The following AFF3 variants were observed in gnomAD, a reference collection of about 807,000 sequenced individuals.
The protein encoded by AFF3 is ALF transcription elongation factor 3.
Under a neutral mutation model 129.7 loss-of-function variants are expected in AFF3, and 32 were observed. The ratio of observed to expected loss-of-function variants is 0.25; its 90% confidence interval spans 0.19 to 0.33. AFF3 has a LOEUF of 0.33. Ranked by LOEUF, AFF3 falls within the 10% of genes least tolerant of loss-of-function variation. The probability of loss-of-function intolerance (pLI) is 1.00; values close to 1 mark genes in which losing one functional copy is unlikely to be tolerated. For synonymous variants in AFF3, 644 were observed against 635.4 expected (o/e 1.01, Z -0.20); for missense variants, 1,373 against 1,592.0 (o/e 0.86, Z 2.34).
intron 7 of AFF3, among the ~76,000 whole-genome samples, chr2:99,936,222 C>T (rs531845800): frequency 1.3e-5 from 2 of 152,244 alleles, no homozygotes; most frequent in South Asian, 2.1e-4. Context: ...TTAGCAATCA[C>T]TAGCCACACA....
intron 13 of AFF3, among the ~76,000 whole-genome samples, chr2:99,644,493 T>C (rs1684517119): frequency 6.6e-6 from 1 of 152,212 alleles, no homozygotes; most frequent in Non-Finnish European, 1.5e-5. Context: ...CAGAAAATAT[T>C]AATTCCTGAT....
intron 11 of AFF3, among the ~76,000 whole-genome samples, chr2:99,686,076 G>C (rs1393294295): frequency 2.0e-5 from 3 of 152,092 alleles, no homozygotes; most frequent in Non-Finnish European, 4.4e-5. Flanking sequence ...TGTGGTCCCA[G>C]CTACTCAGGA....
At chr2:99,872,861 T>C (rs1691990388) in intron 7 of AFF3, among the ~76,000 whole-genome samples, 1 of 152,210 alleles carries the variant, frequency 6.6e-6, no homozygotes, top group East Asian at 1.9e-4. Context: ...GTTAAAGTAG[T>C]TGTCAAACTC....
chr2:99,865,369 G>C (rs1015488235), intron 7 of AFF3, among the ~76,000 whole-genome samples: 1 of 152,214 alleles, frequency 6.6e-6, no homozygotes, highest in African/African-American at 2.4e-5. Flanking sequence ...TAGAGACAGA[G>C]AGTGGTGAAA....
chr2:100,048,920 T>C (rs555089199), intron 4 of AFF3, among the ~76,000 whole-genome samples: 2 of 152,304 alleles, frequency 1.3e-5, no homozygotes, highest in African/African-American at 4.8e-5. Context: ...CCTTAATATA[T>C]AAAAAGCAAA....
At position 99,551,483 on chromosome 2, in the gene AFF3, G is replaced by A; in HGVS notation, c.3672C>T (p.His1224=). 1 of 1,614,116 alleles carries A rather than the reference G, an allele frequency of 6.2e-7. No homozygotes were observed. The highest frequency in any genetic ancestry group is 8.5e-7 in the Non-Finnish European group (1 of 1,180,020). Residue 1224 remains histidine, a synonymous_variant, in exon 25 of 25, where the codon CAC becomes CAT. Coordinates refer to ENST00000672756, the MANE Select transcript of AFF3 (RefSeq NM_001386135.1). ...CCCCAGGGTGAGGTCCCTATGACAGGTGGGCGCTGTTCCGCAGCCAGTGCA... is the reference window on the plus strand; with the variant it reads ...CCCCAGGGTGAGGTCCCTATGACAGATGGGCGCTGTTCCGCAGCCAGTGCA... ...QGLHWLRNSA[H]LS
At chr2:99,940,777 C>T (rs1674963896) in intron 7 of AFF3, among the ~76,000 whole-genome samples, 1 of 152,200 alleles carries the variant, frequency 6.6e-6, no homozygotes, top group African/African-American at 2.4e-5. Context: ...CACTTGTGGA[C>T]TCACCCTGAA....
chr2:99,757,743 TGCACATGCTGGTA>T (rs1682241497), intron 8 of AFF3, among the ~76,000 whole-genome samples: 1 of 152,218 alleles, frequency 6.6e-6, no homozygotes, highest in Non-Finnish European at 1.5e-5. Context: ...TACCACGCTT[TGCACATGCTGGTA>T]GCACCTCCCA....
intron 7 of AFF3, among the ~76,000 whole-genome samples, chr2:99,887,746 CA>C (rs1012993135): frequency 6.6e-6 from 1 of 152,176 alleles, no homozygotes; most frequent in African/African-American, 2.4e-5. Flanking sequence ...GTTCTTATTG[CA>C]AAAGGCATCG....
At chr2:99,663,775 C>A (rs1386023131) in intron 12 of AFF3, among the ~76,000 whole-genome samples, 2 of 152,204 alleles carry the variant, frequency 1.3e-5, no homozygotes, top group African/African-American at 2.4e-5. Context: ...ATGTACATAG[C>A]CATTCAATTT....
intron 7 of AFF3, among the ~76,000 whole-genome samples, chr2:99,952,078 T>C (rs1386562342): frequency 6.6e-6 from 1 of 152,224 alleles, no homozygotes; most frequent in Non-Finnish European, 1.5e-5. Flanking sequence ...TAGTATGGTT[T>C]GGATCTGTGT....
chr2:100,066,870 C>A (rs966632892), intron 4 of AFF3, among the ~76,000 whole-genome samples: 10 of 152,196 alleles, frequency 6.6e-5, no homozygotes, highest in African/African-American at 2.4e-4. Context: ...GTTAATTAAT[C>A]CACGCAGCCC....
At chr2:100,131,126 A>G (rs753134424) in intron 1 of AFF3, among the ~76,000 whole-genome samples, 5 of 152,198 alleles carry the variant, frequency 3.3e-5, no homozygotes, top group South Asian at 2.1e-4. Context: ...AATCCTGGGA[A>G]ACTTACACCT....
intron 20 of AFF3, among the ~76,000 whole-genome samples, chr2:99,565,285 C>T (rs1675851310): frequency 6.6e-6 from 1 of 152,132 alleles, no homozygotes; most frequent in Non-Finnish European, 1.5e-5. Context: ...GGGGCTACAG[C>T]AGCTGCCCCC....
intron 7 of AFF3, among the ~76,000 whole-genome samples, chr2:99,920,859 C>T (rs577340820): frequency 7.2e-5 from 11 of 151,780 alleles, no homozygotes; most frequent in Non-Finnish European, 1.6e-4. Flanking sequence ...AATCTATTAG[C>T]AATAAAAATT....
chr2:99,867,997 CCCA>C (rs1691563298), intron 7 of AFF3, among the ~76,000 whole-genome samples: 1 of 151,034 alleles, frequency 6.6e-6, no homozygotes, highest in African/African-American at 2.4e-5. Context: ...CTCATTAACA[CCCA>C]CGACTCTCTT....
intron 8 of AFF3, among the ~76,000 whole-genome samples, chr2:99,792,174 GAAT>G (rs1486558714): frequency 6.6e-6 from 1 of 152,100 alleles, no homozygotes; most frequent in African/African-American, 2.4e-5. Context: ...ATAATACCAT[GAAT>G]AATGAGAATG....
chr2:100,016,936 G>A (rs1683169277), intron 4 of AFF3, among the ~76,000 whole-genome samples: 1 of 151,400 alleles, frequency 6.6e-6, no homozygotes, highest in Non-Finnish European at 1.5e-5. Flanking sequence ...TAATGGTGAT[G>A]ACGGTAGTGA....
At chr2:99,570,809 C>T (rs1676404168) in intron 18 of AFF3, among the ~76,000 whole-genome samples, 1 of 152,232 alleles carries the variant, frequency 6.6e-6, no homozygotes, top group Non-Finnish European at 1.5e-5. Flanking sequence ...GTCCGAGGAG[C>T]TCTGCTCATC....
Sources: gnomAD v4.1 joint callset for allele counts (sites outside exome capture counted in the v4.1 genomes callset) on GRCh38, gnomAD v4.1.1 for gene constraint, MANE v1.5 for transcripts, NCBI Gene and HGNC (gene_info 2026-07-23, HGNC 2026-07-21) for gene names.